The following GGTA1 variants were observed in gnomAD, a reference collection of about 807,000 sequenced individuals.
The protein encoded by GGTA1 is glycoprotein alpha-galactosyltransferase 1 (inactive).
GGTA1 carries 5 observed loss-of-function variants against 2.6 expected under a neutral mutation model. That is an observed-to-expected ratio of 1.92 (90% CI 1.00 to 4.04). The LOEUF is 4.04. Ranked by LOEUF, GGTA1 falls within the 30% of genes most tolerant of loss-of-function variation. The probability of loss-of-function intolerance (pLI) is 0.00; values close to 1 mark genes in which losing one functional copy is unlikely to be tolerated. For synonymous variants in GGTA1, 17 were observed against 5.0 expected, an observed-to-expected ratio of 3.38 and a Z score of -3.19; for missense variants, 50 against 16.7, an observed-to-expected ratio of 2.99 and a Z score of -3.47.
chr9:121,447,925 C>T (rs1331072935), intron 7 of GGTA1, among the ~76,000 whole-genome samples: 2 of 152,204 alleles, frequency 1.3e-5, no homozygotes, highest in East Asian at 3.9e-4. Flanking sequence ...TATCCTTCCT[C>T]TCCTCTGGCT....
intron 3 of GGTA1, chr9:121,463,017 G>T (rs1009930602): frequency 4.6e-6 from 1 of 217,320 alleles, no homozygotes; most frequent in Non-Finnish European, 9.2e-6. Flanking sequence ...ATATCTCCCC[G>T]GATACTTTTT....
intron 1 of GGTA1, among the ~76,000 whole-genome samples, chr9:121,488,117 GTGCGTGCA>G (rs1426747016): frequency 1.5e-5 from 1 of 67,866 alleles, no homozygotes; most frequent in East Asian, 3.1e-4. Flanking sequence ...GTGTGCGTGT[GTGCGTGCA>G]TGTGTGTGTG....
At chr9:121,452,431 T>C (rs1437057979), downstream of GGTA1, 1 of 152,416 alleles carries the variant, frequency 6.6e-6, no homozygotes, top group Non-Finnish European at 1.5e-5. Flanking sequence ...GGCTGGGAGG[T>C]ATGCCATTTG....
At chr9:121,454,222 C>T (rs952709091), downstream of GGTA1, among the ~76,000 whole-genome samples, 2 of 152,226 alleles carry the variant, frequency 1.3e-5, no homozygotes, top group African/African-American at 4.8e-5. Context: ...TTCCTTCAAT[C>T]ATGAAAGAAG....
chr9:121,455,390 T>C lies in GGTA1; in HGVS notation c.*447A>G, dbSNP rs2064902562. ...ATAAGCTGGACATTTGGTAATATTATTTTTAAAAAAGGAAAAGGAGGAATA... is the reference window on the plus strand; with the variant it reads ...ATAAGCTGGACATTTGGTAATATTACTTTTAAAAAAGGAAAAGGAGGAATA... On this transcript the variant is annotated 3_prime_UTR_variant, in exon 6 of 6. Coordinates refer to ENST00000481799, the MANE Select transcript of GGTA1 (RefSeq NM_001382585.1). 1 of 152,398 alleles carries C rather than the reference T, an allele frequency of 6.6e-6. No individual in the cohort carries two copies. The highest frequency in any genetic ancestry group is 1.5e-5 in the Non-Finnish European group (1 of 68,168). The allele number at this position is 152,398 out of a possible 1,614,324, so 9.4% of individuals were successfully genotyped here.
intron 1 of GGTA1, among the ~76,000 whole-genome samples, chr9:121,483,187 G>A (rs1828690432): frequency 6.6e-6 from 1 of 152,188 alleles, no homozygotes; most frequent in East Asian, 1.9e-4. Context: ...GGTAGGACAG[G>A]GCCCTTCACT....
At chr9:121,497,094 G>C (rs1829010886) in intron 1 of GGTA1, among the ~76,000 whole-genome samples, 1 of 152,130 alleles carries the variant, frequency 6.6e-6, no homozygotes, top group Non-Finnish European at 1.5e-5. Context: ...TTGGGAGGCT[G>C]AGGTGGGAGG....
intron 3 of GGTA1, among the ~76,000 whole-genome samples, chr9:121,462,071 C>T (rs1047532250): frequency 5.3e-5 from 8 of 152,214 alleles, no homozygotes; most frequent in African/African-American, 1.9e-4. Flanking sequence ...CGCCTGTAAT[C>T]CCAATACTTT....
chr9:121,460,560 AGCCCAG>A (rs2064952034), intron 4 of GGTA1, among the ~76,000 whole-genome samples: 1 of 152,194 alleles, frequency 6.6e-6, no homozygotes, highest in South Asian at 2.1e-4. Flanking sequence ...TCTAAACTTT[AGCCCAG>A]GCCAGGCATG....
downstream of GGTA1, among the ~76,000 whole-genome samples, chr9:121,453,203 A>G (rs2064887042): frequency 6.6e-6 from 1 of 152,240 alleles, no homozygotes; most frequent in African/African-American, 2.4e-5. Context: ...CCAGAAAGGA[A>G]GGCATTTGAT....
At chr9:121,456,864 G>A (rs2064915769) in intron 5 of GGTA1, among the ~76,000 whole-genome samples, 1 of 152,074 alleles carries the variant, frequency 6.6e-6, no homozygotes, top group African/African-American at 2.4e-5. Flanking sequence ...AAGAGACAGG[G>A]TTTCACTAAG....
intron 5 of GGTA1, among the ~76,000 whole-genome samples, chr9:121,459,128 C>G (rs145259387): frequency 3.2e-4 from 48 of 152,326 alleles, no homozygotes; most frequent in Admixed American, 1.0e-3. Context: ...CATATTCAGT[C>G]TTTCCAGAGC....
At chr9:121,475,288 T>C (rs1333389738) in intron 1 of GGTA1, among the ~76,000 whole-genome samples, 1 of 152,124 alleles carries the variant, frequency 6.6e-6, no homozygotes, top group Non-Finnish European at 1.5e-5. Flanking sequence ...AGTTACCCTA[T>C]ATGGTCTAAA....
At chr9:121,492,561 C>T (rs1001718048) in intron 1 of GGTA1, among the ~76,000 whole-genome samples, 10 of 152,144 alleles carry the variant, frequency 6.6e-5, no homozygotes, top group Non-Finnish European at 1.5e-5. Context: ...ACAACCTCCA[C>T]GTCCCGGGTT....
At chr9:121,456,010 C>T (rs971551658) in intron 5 of GGTA1, among the ~76,000 whole-genome samples, 169 bp from the exon 6 acceptor site, 8 of 152,042 alleles carry the variant, frequency 5.3e-5, no homozygotes, top group African/African-American at 1.7e-4. Flanking sequence ...GAGATGGGGG[C>T]GGAGGGAGAA....
intron 1 of GGTA1, among the ~76,000 whole-genome samples, chr9:121,499,218 C>T (rs1408585736): frequency 6.6e-6 from 1 of 152,090 alleles, no homozygotes; most frequent in African/African-American, 2.4e-5. Flanking sequence ...TTCCCAGAGG[C>T]GCGCCCTTCC....
intron 3 of GGTA1, among the ~76,000 whole-genome samples, chr9:121,462,475 T>C (rs2064969404): frequency 6.6e-6 from 1 of 152,198 alleles, no homozygotes; most frequent in South Asian, 2.1e-4. Flanking sequence ...TTAAAGCCTA[T>C]TAACTCTTGG....
In GGTA1 at chr9:121,490,378, T is replaced by G. The variant is rs576086365; in HGVS notation, c.-10+9272A>C. 2.0e-4 allele frequency among the ~76,000 whole-genome samples: 31 copies of G among 152,324 alleles called. No individual in the cohort carries two copies. In the East Asian group the frequency reaches 4.1e-3, roughly 20 times the overall value. ...CACTCTGAATGCACCCGATCTCATC[T>G]GAAACCTCCCCAGAAGGCTTTTGCC... On this transcript the variant is annotated intron_variant, in intron 1 of 5. Coordinates refer to ENST00000481799, the MANE Select transcript of GGTA1 (RefSeq NM_001382585.1).
chr9:121,493,397 A>G (rs1424550459), intron 1 of GGTA1, among the ~76,000 whole-genome samples: 1 of 151,862 alleles, frequency 6.6e-6, no homozygotes, highest in Non-Finnish European at 1.5e-5. Flanking sequence ...CTGCTACTTA[A>G]TTTTTGAGGT....
Sources: allele counts gnomAD v4.1 joint callset (sites outside exome capture counted in the v4.1 genomes callset), GRCh38; gene constraint gnomAD v4.1.1; transcripts MANE v1.5; gene names NCBI Gene and HGNC (gene_info 2026-07-23, HGNC 2026-07-21).